GRIP1: variants seen among roughly 807,000 people sequenced by gnomAD.
GRIP1 encodes the protein glutamate receptor interacting protein 1.
A neutral mutation model predicts 129.9 loss-of-function variants in GRIP1; 45 were observed. The ratio of observed to expected loss-of-function variants is 0.35; its 90% CI spans 0.27 to 0.44. GRIP1 has a LOEUF of 0.44. Ranked by LOEUF, GRIP1 falls within the 20% of genes least tolerant of loss-of-function variation. The pLI is 1.00. For missense variants in GRIP1, 1,196 were observed against 1,396.8 expected (o/e 0.86, Z 2.29); for synonymous variants, 530 against 520.8 (o/e 1.02, Z -0.24).
chr12:66,488,259 C>A (rs1338110707), intron 7 of GRIP1, among the ~76,000 whole-genome samples: 3 of 152,060 alleles, frequency 2.0e-5, no homozygotes, highest in African/African-American at 7.2e-5. Flanking sequence ...TGGAAAATAA[C>A]TGAAATCATA....
chr12:66,757,039 C>A (rs544522740), intron 1 of GRIP1, among the ~76,000 whole-genome samples: 1 of 152,164 alleles, frequency 6.6e-6, no homozygotes, highest in Non-Finnish European at 1.5e-5. Context: ...ACATCATTAT[C>A]ACATGAGGGT....
intron 1 of GRIP1, among the ~76,000 whole-genome samples, chr12:66,636,739 G>GTGTGTGTGTGTGTGTGTT (rs2031425036): frequency 6.9e-6 from 1 of 144,766 alleles, no homozygotes; most frequent in Non-Finnish European, 1.6e-5. Context: ...GTGTGTGTGT[G>GTGTGTGTGTGTGTGTGTT]TGTGTGTGTG....
At chr12:66,462,621 G>T (rs1299877018) in intron 9 of GRIP1, among the ~76,000 whole-genome samples, 1 of 151,950 alleles carries the variant, frequency 6.6e-6, no homozygotes, top group Non-Finnish European at 1.5e-5. Flanking sequence ...GACCAACATG[G>T]TGAAACCCTG....
chr12:66,834,396 G>A (rs1010357024), intron 1 of GRIP1, among the ~76,000 whole-genome samples: 3 of 152,022 alleles, frequency 2.0e-5, no homozygotes, highest in Non-Finnish European at 4.4e-5. Context: ...TTCACTCCTC[G>A]CTGATAGCTT....
chr12:66,804,349 C>T (rs12304058), upstream of GRIP1, among the ~76,000 whole-genome samples: 5 of 151,560 alleles, frequency 3.3e-5, no homozygotes, highest in Non-Finnish European at 7.4e-5. Context: ...CTTTGGCCAT[C>T]GGAGGGGAAA....
chr12:66,759,824 C>G (rs1397647602), intron 1 of GRIP1, among the ~76,000 whole-genome samples: 2 of 151,778 alleles, frequency 1.3e-5, no homozygotes, highest in East Asian at 3.9e-4. Flanking sequence ...GAAACCACCT[C>G]AGCTTGGACC....
At chr12:66,627,509 G>A (rs1373154217) in intron 1 of GRIP1, among the ~76,000 whole-genome samples, 5 of 152,232 alleles carry the variant, frequency 3.3e-5, no homozygotes, top group Non-Finnish European at 7.3e-5. Flanking sequence ...GTTGGGGAGG[G>A]TGAGTAAGTT....
chr12:66,603,958 C>G (rs1331592013), intron 1 of GRIP1, among the ~76,000 whole-genome samples: 1 of 152,108 alleles, frequency 6.6e-6, no homozygotes, highest in Non-Finnish European at 1.5e-5. Flanking sequence ...GAATTACTAC[C>G]CCTTAGCTAG....
At chr12:66,863,230 C>G (rs1320514479) in intron 1 of GRIP1, among the ~76,000 whole-genome samples, 1 of 152,116 alleles carries the variant, frequency 6.6e-6, no homozygotes, top group African/African-American at 2.4e-5. Flanking sequence ...TTTATTCATT[C>G]ATGCAGGCAT....
intron 1 of GRIP1, among the ~76,000 whole-genome samples, chr12:66,815,820 A>ATTCC: frequency 8.4e-6 from 1 of 118,630 alleles, no homozygotes; most frequent in South Asian, 2.9e-4. Flanking sequence ...AAGATGAAAG[A>ATTCC]TTTCTTTCTT....
At chr12:66,836,989 A>AG (rs2039626010) in intron 1 of GRIP1, among the ~76,000 whole-genome samples, 1 of 152,254 alleles carries the variant, frequency 6.6e-6, no homozygotes, top group Non-Finnish European at 1.5e-5. Context: ...GTTGGAGAGA[A>AG]GGGAATGCAG....
intron 1 of GRIP1, among the ~76,000 whole-genome samples, chr12:66,609,569 A>C (rs1441668751): frequency 1.3e-5 from 2 of 152,216 alleles, no homozygotes; most frequent in African/African-American, 4.8e-5. Context: ...CAAATTATTC[A>C]GACATATAAT....
chr12:66,645,483 C>G (rs1244998282), intron 1 of GRIP1, among the ~76,000 whole-genome samples: 3 of 152,164 alleles, frequency 2.0e-5, no homozygotes, highest in Admixed American at 2.0e-4. Context: ...AAGGGATTAA[C>G]TTTGGCTTGG....
chr12:66,897,738 T>C (rs2040774939), intron 1 of GRIP1, among the ~76,000 whole-genome samples: 1 of 152,168 alleles, frequency 6.6e-6, no homozygotes, highest in South Asian at 2.1e-4. Context: ...TTTAGACCAG[T>C]GATTTCTTTT....
At chr12:66,982,423 C>G (rs1342650426) in intron 1 of GRIP1, among the ~76,000 whole-genome samples, 3 of 152,274 alleles carry the variant, frequency 2.0e-5, no homozygotes, top group South Asian at 4.1e-4. Context: ...ACACCTATAA[C>G]AAATAGAACA....
intron 1 of GRIP1, among the ~76,000 whole-genome samples, chr12:67,021,938 C>T (rs566955574): frequency 1.3e-5 from 2 of 152,278 alleles, no homozygotes; most frequent in South Asian, 2.1e-4. Flanking sequence ...TTTCACTCAA[C>T]ATGATATCCT....
intron 1 of GRIP1, among the ~76,000 whole-genome samples, chr12:66,868,253 T>C (rs1299100381): frequency 6.6e-6 from 1 of 151,944 alleles, no homozygotes; most frequent in African/African-American, 2.4e-5. Context: ...CAGGGAAAAT[T>C]TGTACTGGCA....
intron 1 of GRIP1, among the ~76,000 whole-genome samples, chr12:66,980,477 G>A (rs947495126): frequency 6.6e-6 from 1 of 152,134 alleles, no homozygotes; most frequent in Non-Finnish European, 1.5e-5. Flanking sequence ...TGGGCGTGGT[G>A]GCACACGTCT....
chr12:66,390,157 C>T (rs764383699), intron 19 of GRIP1, among the ~76,000 whole-genome samples: 10 of 152,158 alleles, frequency 6.6e-5, no homozygotes, highest in Non-Finnish European at 1.2e-4. Context: ...GTCCATGCAG[C>T]GTGTCTTGGC....
Sources: gnomAD v4.1 joint callset for allele counts (sites outside exome capture counted in the v4.1 genomes callset) on GRCh38, gnomAD v4.1.1 for gene constraint, MANE v1.5 for transcripts, NCBI Gene and HGNC (gene_info 2026-07-23, HGNC 2026-07-21) for gene names.